FRMD1: variants seen among roughly 807,000 people sequenced by gnomAD.
FRMD1 encodes FERM domain containing 1, also known as FERM domain-containing protein 1.
A neutral mutation model predicts 54.9 loss-of-function variants in FRMD1; 51 were observed. The observed-to-expected ratio is 0.93, with a 90% CI of 0.74 to 1.17. FRMD1 has a LOEUF of 1.17. Ranked by LOEUF, FRMD1 falls within the 50% of genes most tolerant of loss-of-function variation. The pLI is 0.00. For synonymous variants in FRMD1, 324 were observed against 306.4 expected, an observed-to-expected ratio of 1.06 and a Z score of -0.60; for missense variants, 729 against 743.0, an observed-to-expected ratio of 0.98 and a Z score of 0.22.
At chr6:168,074,956 G>A (rs1294280895) in intron 2 of FRMD1, among the ~76,000 whole-genome samples, 1 of 151,600 alleles carries the variant, frequency 6.6e-6, no homozygotes, top group South Asian at 2.1e-4. Flanking sequence ...CGTGTGTGGC[G>A]TGTGCATGTG....
At chr6:168,068,367 C>A (rs566052692) in intron 2 of FRMD1, among the ~76,000 whole-genome samples, 6 of 152,166 alleles carry the variant, frequency 3.9e-5, no homozygotes, top group Non-Finnish European at 8.8e-5. Flanking sequence ...ATTCCTGCTG[C>A]GACTTAAAGC....
At position 168,059,035 on chromosome 6, in the gene FRMD1, G is replaced by A. The variant is rs1416755138; in HGVS notation, c.1407+89C>T. On this transcript the variant is annotated intron_variant, in intron 10 of 10. Transcript: ENST00000283309. This position sits in a 1 kb window ranked among gnomAD's most constrained non-coding sequence, Gnocchi z 4.4. The stretch of plus-strand genomic sequence containing the variant: ...GTCGAGGGACCCTCTGATAGGCCTA[G>A]GAAGGTCCCCAGGGCCCCTGACAGG... 1.4e-5 allele frequency: 15 copies of A among 1,040,848 alleles called. No homozygotes were observed. Among genetic ancestry groups the A allele is most frequent in the South Asian group, 2.8e-5 (2 of 71,674 alleles). 64.5% of individuals were successfully genotyped at this position (1,040,848 alleles called of 1,614,324 possible). A position where few individuals can be genotyped will look rare whatever the true frequency, so the allele number is the denominator to read the frequency against.
upstream of FRMD1, chr6:168,081,401 C>T (rs567754900): frequency 9.3e-5 from 143 of 1,535,442 alleles, 1 homozygote; most frequent in South Asian, 1.1e-3. Flanking sequence ...TGGCCTGCCA[C>T]GTTCGTGATG....
intron 1 of FRMD1, among the ~76,000 whole-genome samples, chr6:168,087,632 C>A (rs912170981): frequency 6.6e-6 from 1 of 152,186 alleles, no homozygotes; most frequent in African/African-American, 2.4e-5. Context: ...GTGTGCAATG[C>A]GTGCGCTGGC....
chr6:168,080,482 G>A (rs1800798088), upstream of FRMD1, among the ~76,000 whole-genome samples: 1 of 152,196 alleles, frequency 6.6e-6, no homozygotes, highest in Non-Finnish European at 1.5e-5. Context: ...CCAGAGAGCA[G>A]AGGCTGGATC....
intron 2 of FRMD1, among the ~76,000 whole-genome samples, chr6:168,073,618 C>T (rs1006389688): frequency 1.3e-5 from 2 of 152,136 alleles, no homozygotes; most frequent in African/African-American, 4.8e-5. Context: ...ACAGAAGGGG[C>T]CGGGGCCACC....
chr6:168,082,895 G>T (rs996760652), upstream of FRMD1, among the ~76,000 whole-genome samples: 1 of 152,266 alleles, frequency 6.6e-6, no homozygotes. Flanking sequence ...GGTGGGCAGG[G>T]TGCTCCCCAC....
chr6:168,087,549 G>A (rs1246871414), intron 1 of FRMD1, among the ~76,000 whole-genome samples: 1 of 152,208 alleles, frequency 6.6e-6, no homozygotes, highest in Non-Finnish European at 1.5e-5. Flanking sequence ...TGGGGAGAAC[G>A]CAGGCTGCTG....
At chr6:168,064,117 G>A (rs1027575928) in intron 5 of FRMD1, among the ~76,000 whole-genome samples, 1 of 152,210 alleles carries the variant, frequency 6.6e-6, no homozygotes, top group South Asian at 2.1e-4. Context: ...TCGCAGGGAC[G>A]TGGAATCACT....
At chr6:168,071,345 T>TA (rs1272827234) in intron 2 of FRMD1, among the ~76,000 whole-genome samples, 2 of 152,172 alleles carry the variant, frequency 1.3e-5, no homozygotes. Context: ...AAGAGATAAT[T>TA]AAAGTAAGAA....
Position 168,067,400 on chromosome 6 carries a change from G to A in FRMD1, c.351C>T (p.Tyr117=). The A allele has an allele frequency of 1.9e-6, 3 of 1,607,000 alleles. No individual in the cohort carries two copies. Among genetic ancestry groups the A allele is most frequent in the Non-Finnish European group, 1.7e-6 (2 of 1,176,920 alleles). ...TTTCTTTCTTCCAATCTTTTGAGAA[G>A]TACTTGCTGAGCTTTTGCTCCAAAT... ...FMDLEQKLSK[Y]FSKDWKKERN... Residue 117 remains tyrosine, a synonymous_variant, in exon 3 of 11, where the codon TAC becomes TAT. Coordinates refer to ENST00000283309, the MANE Select transcript of FRMD1 (RefSeq NM_024919.6).
chr6:168,081,758 G>A (rs186016005), upstream of FRMD1: 5 of 434,012 alleles, frequency 1.2e-5, no homozygotes, highest in Admixed American at 3.8e-5. Flanking sequence ...TCCAGCAAAG[G>A]CAGCATCTTC....
At chr6:168,073,787 G>A (rs1800424253) in intron 2 of FRMD1, among the ~76,000 whole-genome samples, 1 of 152,132 alleles carries the variant, frequency 6.6e-6, no homozygotes, top group African/African-American at 2.4e-5. Context: ...CTGACAAGGC[G>A]CTGCAGACAC....
At chr6:168,057,390 C>A (rs1355418467) in intron 10 of FRMD1, 51 bp from the exon 11 acceptor site, 1 of 1,586,490 alleles carries the variant, frequency 6.3e-7, no homozygotes, top group Non-Finnish European at 8.5e-7. Context: ...TCACTCCCAC[C>A]ACCGCACACG....
In FRMD1 at chr6:168,067,465, G is replaced by T; in HGVS notation, c.305-19C>A. On this transcript the variant is annotated intron_variant, in intron 2 of 10. Transcript: ENST00000283309. ...TCATTGTCTGAAAGCAAAACAAAAG[G>T]CTTCATCAGAGCAGTCACCATGCTT... is the stretch of plus-strand genomic sequence containing the variant. The T allele has an allele frequency of 6.6e-7, 1 of 1,522,038 alleles. No individual in the cohort carries two copies. Among genetic ancestry groups the T allele is most frequent in the South Asian group, 1.1e-5 (1 of 87,372 alleles). 94.3% of individuals were successfully genotyped at this position (1,522,038 alleles called of 1,614,324 possible).
rs1799703414 is a variant in FRMD1 at position 168,061,062 on chromosome 6, G to A, written c.1046-5C>T. 6.2e-7 allele frequency: 1 copy of A among 1,603,332 alleles called. No homozygotes were observed. The highest frequency in any genetic ancestry group is 8.5e-7 in the Non-Finnish European group (1 of 1,173,106). On this transcript the variant is annotated splice_polypyrimidine_tract_variant and splice_region_variant and intron_variant, in intron 8 of 10. Transcript: ENST00000283309. ...ACTCCCGGTAGTGCTGCTTCTCTGT[G>A]GGGAGTGGGGAGCACAGTGAGGGCG...
intron 2 of FRMD1, 82 bp from the exon 3 acceptor site, chr6:168,067,528 T>G (rs771066889): frequency 1.2e-6 from 1 of 841,706 alleles, no homozygotes; most frequent in Non-Finnish European, 1.9e-6. Flanking sequence ...GAGTGTGGCT[T>G]GGAGAGAAGA....
Position 168,063,682 on chromosome 6 carries a change from G to A in FRMD1, c.723C>T (p.Ser241=). ...TGAAGCACAGCATGGCCTCCTTGGGGCTCAGGCCCTGGCGCTCACGGTGCA... is the reference window on the plus strand; with the variant it reads ...TGAAGCACAGCATGGCCTCCTTGGGACTCAGGCCCTGGCGCTCACGGTGCA... The part of the protein sequence containing the change: ...PTLHRERQGL[S]PKEAMLCFIQ... The change falls in exon 6 of 11, where the codon AGC becomes AGT. Residue 241 remains serine (S), a synonymous_variant. Transcript: ENST00000283309. The A allele has an allele frequency of 6.2e-7, 1 of 1,613,902 alleles. No individual in the cohort carries two copies. Among genetic ancestry groups the A allele is most frequent in the Non-Finnish European group, 8.5e-7 (1 of 1,179,896 alleles).
intron 10 of FRMD1, among the ~76,000 whole-genome samples, chr6:168,058,848 A>G (rs1183479885): frequency 6.6e-6 from 1 of 151,894 alleles, no homozygotes; most frequent in Non-Finnish European, 1.5e-5. Context: ...GCCCGGTGAC[A>G]CTCAGGGCCC....
Sources: allele counts gnomAD v4.1 joint callset (sites outside exome capture counted in the v4.1 genomes callset), GRCh38; gene constraint gnomAD v4.1.1; non-coding constraint Gnocchi (gnomAD v3.1); transcripts MANE v1.5; gene names NCBI Gene and HGNC (gene_info 2026-07-23, HGNC 2026-07-21).